The following FARP1 variants were observed in gnomAD, a reference collection of about 807,000 sequenced individuals.
FARP1 encodes the protein FERM, ARHGEF and pleckstrin domain-containing protein 1.
Under a neutral mutation model 128.8 loss-of-function variants are expected in FARP1, and 52 were observed. The ratio of observed to expected loss-of-function variants is 0.40; its 90% CI spans 0.32 to 0.51. FARP1 has a LOEUF of 0.51. Among genes scored for constraint, FARP1 ranks in the 20% least tolerant of loss-of-function variants. FARP1 has a pLI of 0.45. For synonymous variants in FARP1, 580 were observed against 551.8 expected (o/e 1.05, Z -0.72); for missense variants, 1,333 against 1,367.9 (o/e 0.97, Z 0.40).
Position 98,412,015 on chromosome 13 carries a change from G to A in FARP1, c.1807G>A (p.Glu603Lys). 1 of 1,614,064 alleles carries A rather than the reference G, an allele frequency of 6.2e-7. No homozygotes were observed. The change falls in exon 16 of 27, where the codon GAG (glutamate) becomes AAG (lysine). Residue 603 changes from glutamate to lysine, a missense_variant. Physicochemically the swap from Glu to Lys is moderately conservative, Grantham distance 56 (BLOSUM62 1). Transcript: ENST00000319562. ...KFHTNFLKEI[E>K]QRLALWEGRS... is the part of the protein sequence containing the mutation. Reference sequence around the variant, plus strand: ...TCATACTAATTTTCTCAAGGAAATTGAGCAACGACTTGCCCTGTGGTGAGT... The same window carrying A: ...TCATACTAATTTTCTCAAGGAAATTAAGCAACGACTTGCCCTGTGGTGAGT...
chr13:98,206,231 T>A (rs1408030001), intron 1 of FARP1, among the ~76,000 whole-genome samples: 2 of 151,478 alleles, frequency 1.3e-5, no homozygotes, highest in African/African-American at 4.8e-5. Flanking sequence ...CTTTCAACCT[T>A]TGCTATTCCC....
chr13:98,381,422 C>T (rs1316604449), intron 6 of FARP1: 9 of 152,314 alleles, frequency 5.9e-5, no homozygotes, highest in Non-Finnish European at 1.2e-4. Context: ...TATTTTCCTC[C>T]CTTCTTTGGC....
chr13:98,291,847 C>A (rs943679297), intron 2 of FARP1, among the ~76,000 whole-genome samples: 9 of 152,336 alleles, frequency 5.9e-5, no homozygotes, highest in Middle Eastern at 3.4e-3. Flanking sequence ...GTAAACAGCA[C>A]CAAGTTGACA....
rs182663006 is a variant in FARP1 at position 98,315,487 on chromosome 13, T to C, written c.172-28275T>C. On this transcript the variant is annotated intron_variant, in intron 2 of 26. Transcript: ENST00000319562. ...AGCACTTATCTAAATTTTCCTGAACTTTACAACTCAAGTTACTTGTGCCCG... is the reference window on the plus strand; with the variant it reads ...AGCACTTATCTAAATTTTCCTGAACCTTACAACTCAAGTTACTTGTGCCCG... 9.1e-4 allele frequency among the ~76,000 whole-genome samples: 138 copies of C among 152,294 alleles called. 1 individual carries two copies. The East Asian group carries it at 0.024, about 27-fold the overall frequency.
intron 2 of FARP1, among the ~76,000 whole-genome samples, chr13:98,227,041 C>T (rs544596247): frequency 6.6e-6 from 1 of 151,906 alleles, no homozygotes; most frequent in African/African-American, 2.4e-5. Flanking sequence ...CCCGGGTTCA[C>T]GTCATTCTCT....
At chr13:98,313,750 A>G (rs1886594324) in intron 2 of FARP1, among the ~76,000 whole-genome samples, 1 of 152,178 alleles carries the variant, frequency 6.6e-6, no homozygotes, top group South Asian at 2.1e-4. Flanking sequence ...GAGAAAAAAA[A>G]TGCGGAAGAA....
At chr13:98,196,776 AAT>A (rs1271449514) in intron 1 of FARP1, among the ~76,000 whole-genome samples, 11 of 152,206 alleles carry the variant, frequency 7.2e-5, no homozygotes, top group Admixed American at 1.3e-4. Context: ...CATAATCATT[AAT>A]TTCTTTAGTA....
chr13:98,386,279 C>CTT (rs922260873), intron 8 of FARP1, among the ~76,000 whole-genome samples: 1 of 147,760 alleles, frequency 6.8e-6, no homozygotes, highest in African/African-American at 2.5e-5. Context: ...GTTAGGCACA[C>CTT]TTTTAAGATA....
chr13:98,395,374 A>G lies in FARP1; in HGVS notation c.1312A>G (p.Lys438Glu). Residue 438 changes from lysine (K) to glutamate (E), a missense_variant, in exon 13 of 27, where the codon AAG (lysine) becomes GAG (glutamate). Physicochemically the swap from Lys to Glu is moderately conservative, Grantham distance 56. Coordinates refer to ENST00000319562, the MANE Select transcript of FARP1 (RefSeq NM_005766.4). ...GCCGAGGAGAAGCCCCGCGGGTAAC[A>G]AGCAGGCGGACGGAGCCGCCTCGGC... The part of the protein sequence containing the change: ...PAPRRSPAGN[K>E]QADGAASAPT... 3.1e-6 allele frequency: 5 copies of G among 1,611,894 alleles called. No homozygotes were observed. The highest frequency in any genetic ancestry group is 4.2e-6 in the Non-Finnish European group (5 of 1,179,164).
At chr13:98,387,170 G>A (rs1319856481) in intron 8 of FARP1, among the ~76,000 whole-genome samples, 10 of 152,064 alleles carry the variant, frequency 6.6e-5, no homozygotes, top group Non-Finnish European at 1.5e-5. Context: ...GCATGATGGC[G>A]TGTACCTGTA....
rs373307466 is a variant in FARP1 at position 98,306,838 on chromosome 13, CTG to C, written c.172-36921_172-36920del. 4.7e-3 allele frequency among the ~76,000 whole-genome samples: 713 copies of C among 152,312 alleles called. 3 individuals carry two copies. Among genetic ancestry groups the C allele is most frequent in the African/African-American group, 0.016 (671 of 41,576 alleles). ...CGTGCCCGGCCTCTAGCTCCAAAAT[CTG>C]TGCTCTTTATACCATACCACTCTTG... is the stretch of plus-strand genomic sequence containing the variant. On this transcript the variant is annotated intron_variant, in intron 2 of 26. Coordinates refer to ENST00000319562, the MANE Select transcript of FARP1 (RefSeq NM_005766.4).
chr13:98,429,566 AC>A (rs1387521444), intron 17 of FARP1, among the ~76,000 whole-genome samples: 1 of 152,228 alleles, frequency 6.6e-6, no homozygotes, highest in Non-Finnish European at 1.5e-5. Flanking sequence ...ACGGGTTCAT[AC>A]AAGGAAAGAA....
At chr13:98,375,683 C>T (rs1431561701) in intron 5 of FARP1, among the ~76,000 whole-genome samples, 1 of 152,086 alleles carries the variant, frequency 6.6e-6, no homozygotes, top group Admixed American at 6.6e-5. Flanking sequence ...GGCTGGAGTG[C>T]AGTGGTGCAA....
rs778015208 is a variant in FARP1 at position 98,448,277 on chromosome 13, G to C, written c.3098G>C (p.Arg1033Pro). ...VIRSATSSAS[R>P]PHVLSHKESL... ...CGCAGTGCCACCAGCTCTGCCTCGCGACCCCACGTGTTGAGTCACAAAGAG... is the reference window on the plus strand; with the variant it reads ...CGCAGTGCCACCAGCTCTGCCTCGCCACCCCACGTGTTGAGTCACAAAGAG... The change falls in exon 27 of 27, where the codon CGA becomes CCA. Residue 1033 changes from arginine to proline, a missense_variant. Arg to Pro is a moderately radical substitution (Grantham distance 103). Transcript: ENST00000319562. 6.2e-7 allele frequency: 1 copy of C among 1,614,024 alleles called. No individual in the cohort carries two copies. The highest frequency in any genetic ancestry group is 1.1e-5 in the South Asian group (1 of 91,088).
At position 98,453,405 on chromosome 13, in the gene FARP1, A is replaced by G; in HGVS notation, c.*5088A>G. ...TGAGAAGATCATGATTCTTACACAAAAACTCCAGAGCATGTCACCAAAAAC... is the reference window on the plus strand; with the variant it reads ...TGAGAAGATCATGATTCTTACACAAGAACTCCAGAGCATGTCACCAAAAAC... On this transcript the variant is annotated 3_prime_UTR_variant, in exon 27 of 27. Coordinates refer to ENST00000319562, the MANE Select transcript of FARP1 (RefSeq NM_005766.4). 1 of 597,072 alleles carries G rather than the reference A, an allele frequency of 1.7e-6. No homozygotes were observed. The highest frequency in any genetic ancestry group is 2.8e-6 in the Non-Finnish European group (1 of 351,322). The allele number at this position is 597,072 out of a possible 1,614,324, so 37.0% of individuals were successfully genotyped here. A position where few individuals can be genotyped will look rare whatever the true frequency, so the allele number is the denominator to read the frequency against.
At chr13:98,178,172 T>C (rs1204921808) in intron 1 of FARP1, among the ~76,000 whole-genome samples, 1 of 150,320 alleles carries the variant, frequency 6.7e-6, no homozygotes, top group African/African-American at 2.4e-5. Flanking sequence ...TCCTGGTACC[T>C]AAGATAATCA....
At chr13:98,343,948 TGTGA>T (rs1314624727) in intron 3 of FARP1, 82 bp downstream of exon 3, 1 of 881,936 alleles carries the variant, frequency 1.1e-6, no homozygotes, top group Non-Finnish European at 1.9e-6. Context: ...TCTAAATGAT[TGTGA>T]GTGAGATATT....
chr13:98,256,283 T>C (rs1883580641), intron 2 of FARP1, among the ~76,000 whole-genome samples: 1 of 152,184 alleles, frequency 6.6e-6, no homozygotes, highest in Non-Finnish European at 1.5e-5. Context: ...TATTTAAAAT[T>C]CGAGGTTTTT....
At chr13:98,330,030 C>G (rs1887429597) in intron 2 of FARP1, 1 of 152,178 alleles carries the variant, frequency 6.6e-6, no homozygotes, top group Non-Finnish European at 1.5e-5. Context: ...TAGTCAGGGT[C>G]GGCACTTTTG....
Sources: allele counts gnomAD v4.1 joint callset (sites outside exome capture counted in the v4.1 genomes callset), GRCh38; gene constraint gnomAD v4.1.1; transcripts MANE v1.5; gene names NCBI Gene and HGNC (gene_info 2026-07-23, HGNC 2026-07-21).